HPCAL4: variants seen among roughly 807,000 people sequenced by gnomAD.
HPCAL4 encodes hippocalcin like 4.
In HPCAL4, 16 loss-of-function variants were observed where a neutral mutation model predicts 18.2. The ratio of observed to expected loss-of-function variants is 0.88; its 90% CI spans 0.59 to 1.33. The LOEUF is 1.33. Ranked by LOEUF, HPCAL4 falls within the 40% of genes most tolerant of loss-of-function variation. The pLI is 0.00. For missense variants in HPCAL4, 214 were observed against 256.6 expected, an observed-to-expected ratio of 0.83 and a Z score of 1.14; for synonymous variants, 80 against 97.5, an observed-to-expected ratio of 0.82 and a Z score of 1.06.
chr1:39,684,965 C>T (rs1646661591), intron 1 of HPCAL4, among the ~76,000 whole-genome samples: 1 of 152,234 alleles, frequency 6.6e-6, no homozygotes, highest in Non-Finnish European at 1.5e-5. Flanking sequence ...TCAGCCCCCA[C>T]CCTCCTTGGC....
At position 39,682,450 on chromosome 1, in the gene HPCAL4, T is replaced by C; in HGVS notation, c.*86A>G. Reference sequence around the variant, plus strand: ...CCAGAGAGGGGGGCTGGAGTGTCCCTCCTCCTGGGAGGCCAGCCAGAGAGG... The same window carrying C: ...CCAGAGAGGGGGGCTGGAGTGTCCCCCCTCCTGGGAGGCCAGCCAGAGAGG... On this transcript the variant is annotated 3_prime_UTR_variant, in exon 4 of 4. Coordinates refer to ENST00000372844, the MANE Select transcript of HPCAL4 (RefSeq NM_016257.4). 7.6e-7 allele frequency: 1 copy of C among 1,318,452 alleles called. No individual in the cohort carries two copies. The highest frequency in any genetic ancestry group is 1.1e-6 in the Non-Finnish European group (1 of 928,232). 81.7% of individuals were successfully genotyped at this position (1,318,452 alleles called of 1,614,324 possible).
At chr1:39,685,740 C>A (rs578244832) in intron 1 of HPCAL4, among the ~76,000 whole-genome samples, 8 of 151,248 alleles carry the variant, frequency 5.3e-5, no homozygotes, top group Admixed American at 1.3e-4. Flanking sequence ...ATTAGCTGGG[C>A]GTCGTGGCAG....
Position 39,681,648 on chromosome 1 carries a change from CTATT to C in HPCAL4, c.*884_*887del, listed in dbSNP as rs1347150287. On this transcript the variant is annotated 3_prime_UTR_variant, in exon 4 of 4. Coordinates refer to ENST00000372844, the MANE Select transcript of HPCAL4 (RefSeq NM_016257.4). ...TTCCCCTTGAAAATTAATATTTTCT[CTATT>C]CATTTAATCATTTTATAAGAAACCA... 134 of 152,106 alleles carry C rather than the reference CTATT, an allele frequency of 8.8e-4. No individual in the cohort carries two copies. Among genetic ancestry groups the C allele is most frequent in the African/African-American group, 3.1e-3 (129 of 41,402 alleles). 9.4% of individuals were successfully genotyped at this position (152,106 alleles called of 1,614,324 possible).
chr1:39,684,593 G>T lies in HPCAL4; in HGVS notation c.11C>A (p.Thr4Asn). 1 of 1,601,916 alleles carries T rather than the reference G, an allele frequency of 6.2e-7. No homozygotes were observed. The highest frequency in any genetic ancestry group is 8.5e-7 in the Non-Finnish European group (1 of 1,174,144). The stretch of plus-strand genomic sequence containing the variant: ...CACCTCGGGGGCCAGCTTGCTGTTG[G>T]TCTTCCCCATGGCGGGGCCTGTGGG... MGK[T>N]NSKLAPEVLE... Residue 4 changes from threonine to asparagine, a missense_variant, in exon 2 of 4, where the codon ACC becomes AAC. Physicochemically the swap from Thr to Asn is moderately conservative, Grantham distance 65. Transcript: ENST00000372844.
intron 2 of HPCAL4, 43 bp downstream of exon 2, chr1:39,684,399 A>C: frequency 6.5e-7 from 1 of 1,546,416 alleles, no homozygotes; most frequent in Non-Finnish European, 8.7e-7. Flanking sequence ...GCCTCCCCCA[A>C]CCCGGGTACT....
rs1570473638 is a variant in HPCAL4 at position 39,683,935 on chromosome 1, A to C, written c.378+2T>G. ...AACAGCAGCGCCCGCGCGGCCCCGC[A>C]CCTCGATGATCTCCAGCATCTCCAG... On this transcript the variant is annotated splice_donor_variant, in intron 3 of 3. Transcript: ENST00000372844. LOFTEE classifies it high-confidence loss of function. The C allele has an allele frequency of 6.2e-7, 1 of 1,612,634 alleles. No individual in the cohort carries two copies. The highest frequency in any genetic ancestry group is 8.5e-7 in the Non-Finnish European group (1 of 1,179,390).
intron 1 of HPCAL4, among the ~76,000 whole-genome samples, chr1:39,690,349 T>G (rs1004347409): frequency 6.6e-6 from 1 of 152,144 alleles, no homozygotes; most frequent in East Asian, 1.9e-4. Flanking sequence ...TGTACAAGAT[T>G]TGAACCCAGC....
Position 39,682,605 on chromosome 1 carries a change from C to G in HPCAL4, c.507G>C (p.Glu169Asp). 6.2e-7 allele frequency: 1 copy of G among 1,614,270 alleles called. No homozygotes were observed. The highest frequency in any genetic ancestry group is 8.5e-7 in the Non-Finnish European group (1 of 1,180,054). ...CACTCTTGGCTGCCTCCTTGAACTC[C>G]TCCAATGTAATCTGGTCGTCCTTAT... Reference protein sequence around the residue: ...DQDKDDQITLEEFKEAAKSDP... With the variant: ...DQDKDDQITLDEFKEAAKSDP... Residue 169 changes from glutamate (E) to aspartate (D), a missense_variant, in exon 4 of 4, where the codon GAG becomes GAC. Glu to Asp is a conservative substitution (Grantham distance 45, BLOSUM62 2). Transcript: ENST00000372844.
chr1:39,686,606 T>C (rs1646677681), intron 1 of HPCAL4, among the ~76,000 whole-genome samples: 1 of 152,048 alleles, frequency 6.6e-6, no homozygotes, highest in African/African-American at 2.4e-5. Context: ...CCTCAGTGGA[T>C]AGAAGTGTTG....
chr1:39,685,752 C>T lies in HPCAL4; in HGVS notation c.-8-1141G>A, dbSNP rs912159892. On this transcript the variant is annotated intron_variant, in intron 1 of 3. Transcript: ENST00000372844. ...AAAATTAGCTGGGCGTCGTGGCAGG[C>T]GCCTGTAGTCCCAGCTACTCGGGAG... 6.6e-5 allele frequency among the ~76,000 whole-genome samples: 10 copies of T among 151,810 alleles called. No individual in the cohort carries two copies. The South Asian group carries it at 8.3e-4, about 13-fold the overall frequency.
intron 1 of HPCAL4, among the ~76,000 whole-genome samples, chr1:39,690,021 G>A (rs1389163425): frequency 2.0e-5 from 3 of 152,206 alleles, no homozygotes; most frequent in East Asian, 1.9e-4. Flanking sequence ...TGTCAGGATG[G>A]GCTGGTGGTC....
chr1:39,684,004 G>A lies in HPCAL4; in HGVS notation c.311C>T (p.Ala104Val). Residue 104 changes from alanine to valine, a missense_variant, in exon 3 of 4, where the codon GCC (alanine) becomes GTC (valine). By Grantham distance (64) the Ala-to-Val change is moderately conservative. Coordinates refer to ENST00000372844, the MANE Select transcript of HPCAL4 (RefSeq NM_016257.4). Reference protein sequence around the residue: ...RGSFEQKLNWAFEMYDLDGDG... With the variant: ...RGSFEQKLNWVFEMYDLDGDG... ...GCCGTCCAGGTCGTACATCTCAAAGGCCCAGTTGAGCTTCTGCTCGAAGCT... is the reference window on the plus strand; with the variant it reads ...GCCGTCCAGGTCGTACATCTCAAAGACCCAGTTGAGCTTCTGCTCGAAGCT... 6.2e-7 allele frequency: 1 copy of A among 1,614,014 alleles called. No homozygotes were observed. Among genetic ancestry groups the A allele is most frequent in the Non-Finnish European group, 8.5e-7 (1 of 1,179,932 alleles).
chr1:39,687,462 G>A (rs1048361202), intron 1 of HPCAL4, among the ~76,000 whole-genome samples: 1 of 152,216 alleles, frequency 6.6e-6, no homozygotes. Context: ...GTCTGTGTGT[G>A]GGAGCATGTC....
Position 39,682,303 on chromosome 1 carries a change from G to C in HPCAL4, c.*233C>G. 1.8e-6 allele frequency: 1 copy of C among 550,992 alleles called. No individual in the cohort carries two copies. Among genetic ancestry groups the C allele is most frequent in the South Asian group, 2.1e-5 (1 of 48,496 alleles). The allele number at this position is 550,992 out of a possible 1,614,324, so 34.1% of individuals were successfully genotyped here. On this transcript the variant is annotated 3_prime_UTR_variant, in exon 4 of 4. Transcript: ENST00000372844. ...CTATGCCCAATGGACATTGGTTCTG[G>C]CCAAGTGGGAGGTGGGGCTAGAAGA...
chr1:39,687,115 A>G (rs952227616), intron 1 of HPCAL4, among the ~76,000 whole-genome samples: 1 of 152,234 alleles, frequency 6.6e-6, no homozygotes, highest in East Asian at 1.9e-4. Flanking sequence ...CATAAGGAAG[A>G]CCAAGGAGCA....
rs1405245288 is a variant in HPCAL4 at position 39,682,677 on chromosome 1, G to C, written c.435C>G (p.Leu145=). The C allele has an allele frequency of 1.2e-6, 2 of 1,614,236 alleles. No homozygotes were observed. Among genetic ancestry groups the C allele is most frequent in the East Asian group, 2.2e-5 (1 of 44,876 alleles). Residue 145 remains leucine (L), a synonymous_variant, in exon 4 of 4, where the codon CTC becomes CTG. Transcript: ENST00000372844. ...TCTTGTCCACACGCTGCTGGGGCGT[G>C]AGCCCGTCCTGGTTCATGCGCATCA... ...VIMMRMNQDG[L]TPQQRVDKIF...
chr1:39,689,491 G>A (rs557320990), intron 1 of HPCAL4, among the ~76,000 whole-genome samples: 3 of 152,312 alleles, frequency 2.0e-5, no homozygotes, highest in African/African-American at 7.2e-5. Flanking sequence ...CAGACCTAGG[G>A]GAAGGAAGGG....
At chr1:39,690,194 C>G (rs914965) in intron 1 of HPCAL4, among the ~76,000 whole-genome samples, 24,618 of 152,088 alleles carry the variant, frequency 0.16, 2,960 homozygotes, top group East Asian at 0.54. Context: ...TCCTGTTTTT[C>G]CATAATCAGC....
chr1:39,686,878 C>G (rs1646679748), intron 1 of HPCAL4, among the ~76,000 whole-genome samples: 1 of 151,744 alleles, frequency 6.6e-6, no homozygotes, highest in South Asian at 2.1e-4. Flanking sequence ...CAGGCTCCCA[C>G]CCCAGGTAGC....
Sources: allele counts gnomAD v4.1 joint callset (sites outside exome capture counted in the v4.1 genomes callset), GRCh38; gene constraint gnomAD v4.1.1; transcripts MANE v1.5; gene names NCBI Gene and HGNC (gene_info 2026-07-23, HGNC 2026-07-21).